The following DENND5A variants were observed in gnomAD, a reference collection of about 807,000 sequenced individuals.
The protein encoded by DENND5A is DENN domain-containing protein 5A.
Under a neutral mutation model 140.3 loss-of-function variants are expected in DENND5A, and 64 were observed. The ratio of observed to expected loss-of-function variants is 0.46; its 90% CI spans 0.37 to 0.56. The LOEUF (loss-of-function observed/expected upper bound fraction) is 0.56. Among genes scored for constraint, DENND5A ranks in the 20% least tolerant of loss-of-function variants. The probability of loss-of-function intolerance (pLI) is 0.00; values close to 1 mark genes in which losing one functional copy is unlikely to be tolerated. For missense variants in DENND5A, 1,292 were observed against 1,593.8 expected (o/e 0.81, Z 3.22); for synonymous variants, 605 against 607.7 (o/e 1.00, Z 0.07).
At chr11:9,215,774 C>G (rs1233635992) in intron 1 of DENND5A, among the ~76,000 whole-genome samples, 1 of 151,918 alleles carries the variant, frequency 6.6e-6, no homozygotes, top group Non-Finnish European at 1.5e-5. Flanking sequence ...GATCTCAAAC[C>G]CCTGACCTCA....
rs1347645344 is a variant in DENND5A, at chr11:9,170,662, C to T, written c.2022G>A (p.Gln674=). The change falls in exon 9 of 23, where the codon CAG becomes CAA. Residue 674 remains glutamine, a synonymous_variant. Coordinates refer to ENST00000328194, the MANE Select transcript of DENND5A (RefSeq NM_015213.4). ...CTGGCCCAGTGGAAAGTACATCAGA[C>T]TGCAGCTTAGGGAAGAAGCCCGGCT... ...KYEPGFFPKL[Q]SDVLSTGPAS... is the part of the protein sequence containing the mutation. 6.2e-7 allele frequency: 1 copy of T among 1,613,960 alleles called. No homozygotes were observed. The highest frequency in any genetic ancestry group is 1.7e-5 in the Admixed American group (1 of 59,966).
chr11:9,229,644 C>T lies in DENND5A; in HGVS notation c.110-22012G>A, dbSNP rs552100935. On this transcript the variant is annotated intron_variant, in intron 1 of 22. Coordinates refer to ENST00000328194, the MANE Select transcript of DENND5A (RefSeq NM_015213.4). ...TAAAAATGTCACTCTCTCCCCTTTT[C>T]CTTGAAGACCCTCAGCTCCAGCGGG... is the stretch of plus-strand genomic sequence containing the variant. Among the ~76,000 whole-genome samples, 28 of 152,198 alleles carry T rather than the reference C, an allele frequency of 1.8e-4. No homozygotes were observed. In the East Asian group the frequency reaches 5.2e-3, roughly 28 times the overall value.
At chr11:9,257,274 G>A (rs1851986478) in intron 1 of DENND5A, among the ~76,000 whole-genome samples, 1 of 151,762 alleles carries the variant, frequency 6.6e-6, no homozygotes, top group Admixed American at 6.6e-5. Flanking sequence ...GGGATTATAG[G>A]CGTGAGCAAC....
At chr11:9,212,665 A>C (rs940835776) in intron 1 of DENND5A, among the ~76,000 whole-genome samples, 1 of 152,238 alleles carries the variant, frequency 6.6e-6, no homozygotes, top group Admixed American at 6.5e-5. Flanking sequence ...AAATCTGTCA[A>C]ACCCAGAATT....
At chr11:9,184,294 A>G (rs544618991) in intron 5 of DENND5A, among the ~76,000 whole-genome samples, 2 of 152,184 alleles carry the variant, frequency 1.3e-5, no homozygotes, top group African/African-American at 4.8e-5. Context: ...CGGAGCTTGC[A>G]GTGAGCCAAG....
At chr11:9,142,570 T>C (rs1234737703) in intron 21 of DENND5A, 152 bp downstream of exon 21, 4 of 984,950 alleles carry the variant, frequency 4.1e-6, no homozygotes, top group East Asian at 4.9e-5. Context: ...CTCTTGTCAC[T>C]CCCTTCAAGA....
intron 22 of DENND5A, among the ~76,000 whole-genome samples, chr11:9,141,338 C>T (rs754414989): frequency 4.6e-5 from 7 of 152,184 alleles, no homozygotes; most frequent in Non-Finnish European, 7.4e-5. Flanking sequence ...ATCCCTACCC[C>T]GACAGATCAC....
At chr11:9,208,587 T>C (rs1371535487) in intron 1 of DENND5A, among the ~76,000 whole-genome samples, 1 of 152,238 alleles carries the variant, frequency 6.6e-6, no homozygotes, top group Non-Finnish European at 1.5e-5. Context: ...AGAAAGTTAC[T>C]GCTTTTATAA....
intron 5 of DENND5A, among the ~76,000 whole-genome samples, chr11:9,185,144 T>C (rs539745446): frequency 6.6e-6 from 1 of 152,268 alleles, no homozygotes; most frequent in South Asian, 2.1e-4. Flanking sequence ...TGAGTCGAGA[T>C]TGCGCCACTG....
intron 3 of DENND5A, among the ~76,000 whole-genome samples, chr11:9,205,816 G>C (rs992232474): frequency 6.6e-6 from 1 of 152,180 alleles, no homozygotes; most frequent in African/African-American, 2.4e-5. Flanking sequence ...AGGATCACTT[G>C]AGCTCAGGAG....
At chr11:9,221,737 T>C (rs1286931316) in intron 1 of DENND5A, among the ~76,000 whole-genome samples, 2 of 148,064 alleles carry the variant, frequency 1.4e-5, no homozygotes, top group East Asian at 2.1e-4. Flanking sequence ...TTCAACTAAT[T>C]GAGAATTTTG....
chr11:9,265,102 G>A lies in DENND5A; in HGVS notation c.-33C>T. 8.2e-7 allele frequency: 1 copy of A among 1,225,792 alleles called. No individual in the cohort carries two copies. Among genetic ancestry groups the A allele is most frequent in the Admixed American group, 4.5e-5 (1 of 22,184 alleles). 75.9% of individuals were successfully genotyped at this position (1,225,792 alleles called of 1,614,324 possible). A position where few individuals can be genotyped will look rare whatever the true frequency, so the allele number is the denominator to read the frequency against. On this transcript the variant is annotated 5_prime_UTR_variant, in exon 1 of 23. Transcript: ENST00000328194. This position sits in a 1 kb window ranked among gnomAD's most constrained non-coding sequence, Gnocchi z 4.7. ...GGGCCGAGACCGGCCGGGCAGTGCGGAGCGGCACCGAGCCCCCGCAACCCG... is the reference window on the plus strand; with the variant it reads ...GGGCCGAGACCGGCCGGGCAGTGCGAAGCGGCACCGAGCCCCCGCAACCCG...
At chr11:9,148,985 G>A (rs1236825261) in intron 15 of DENND5A, among the ~76,000 whole-genome samples, 10 of 152,200 alleles carry the variant, frequency 6.6e-5, no homozygotes, top group African/African-American at 1.9e-4. Flanking sequence ...AAGAGTAAGC[G>A]GAGAAAGAGA....
At chr11:9,163,916 G>GA (rs78100327) in intron 11 of DENND5A, among the ~76,000 whole-genome samples, 16 of 150,294 alleles carry the variant, frequency 1.1e-4, no homozygotes, top group South Asian at 2.1e-4. Context: ...AAATTGTATG[G>GA]AAAAAAAAAT....
chr11:9,260,309 C>T (rs1279774315), intron 1 of DENND5A, among the ~76,000 whole-genome samples: 1 of 151,960 alleles, frequency 6.6e-6, no homozygotes, highest in Non-Finnish European at 1.5e-5. Context: ...CCTTAATTCT[C>T]AAGCAGAGAC....
intron 2 of DENND5A, chr11:9,207,099 T>C (rs1260395298): frequency 2.2e-6 from 1 of 446,312 alleles, no homozygotes; most frequent in Admixed American, 4.0e-5. Flanking sequence ...ATTGTATCTA[T>C]CTTTTTTTTT....
intron 8 of DENND5A, chr11:9,176,804 T>C (rs1401602219): frequency 4.7e-6 from 2 of 426,458 alleles, no homozygotes; most frequent in African/African-American, 2.1e-5. Flanking sequence ...TTCTTGCTCA[T>C]AGACCTTCAT....
chr11:9,203,419 C>T lies in DENND5A; in HGVS notation c.949+241G>A, dbSNP rs1216961398. On this transcript the variant is annotated intron_variant, in intron 4 of 22. Coordinates refer to ENST00000328194, the MANE Select transcript of DENND5A (RefSeq NM_015213.4). ...CTCTTTTCACTTCAATCAGAAGGGA[C>T]ATAGGAAGCAATGTTCCCCTCCAAG... 11 of 447,376 alleles carry T rather than the reference C, an allele frequency of 2.5e-5. No homozygotes were observed. The East Asian group carries it at 2.5e-4, about 10-fold the overall frequency. The allele number at this position is 447,376 out of a possible 1,614,324, so 27.7% of individuals were successfully genotyped here.
intron 10 of DENND5A, among the ~76,000 whole-genome samples, chr11:9,168,417 T>G (rs1848260970): frequency 6.6e-6 from 1 of 152,196 alleles, no homozygotes; most frequent in Admixed American, 6.5e-5. Flanking sequence ...TCCCCAGCCA[T>G]GTGGAACTGT....
Sources: allele counts gnomAD v4.1 joint callset (sites outside exome capture counted in the v4.1 genomes callset), GRCh38; gene constraint gnomAD v4.1.1; non-coding constraint Gnocchi (gnomAD v3.1); transcripts MANE v1.5; gene names NCBI Gene and HGNC (gene_info 2026-07-23, HGNC 2026-07-21).